The following FRY variants were observed in gnomAD, a reference collection of about 807,000 sequenced individuals.
FRY encodes FRY microtubule binding protein, also known as protein furry homolog.
A neutral mutation model predicts 348.4 loss-of-function variants in FRY; 128 were observed. The ratio of observed to expected loss-of-function variants is 0.37; its 90% CI spans 0.32 to 0.43. The LOEUF is 0.43. Ranked by LOEUF, FRY falls within the 20% of genes least tolerant of loss-of-function variation. FRY has a pLI of 1.00. For synonymous variants in FRY, 1,370 were observed against 1,374.7 expected (o/e 1.00, Z 0.08); for missense variants, 2,736 against 3,695.2 (o/e 0.74, Z 6.73).
At chr13:32,148,348 G>T (rs1458468816) in intron 13 of FRY, among the ~76,000 whole-genome samples, 1 of 152,086 alleles carries the variant, frequency 6.6e-6, no homozygotes, top group African/African-American at 2.4e-5. Flanking sequence ...AAAATTTGAG[G>T]AATAAATAAT....
At chr13:32,042,953 A>AT (rs1872820680) in intron 1 of FRY, among the ~76,000 whole-genome samples, 1 of 152,242 alleles carries the variant, frequency 6.6e-6, no homozygotes, top group African/African-American at 2.4e-5. Context: ...TAATAGTGCC[A>AT]TTAAGTAAAA....
At chr13:32,170,485 ATT>A (rs1227991809) in intron 17 of FRY, among the ~76,000 whole-genome samples, 1 of 152,148 alleles carries the variant, frequency 6.6e-6, no homozygotes, top group East Asian at 1.9e-4. Context: ...AAAACTCTGT[ATT>A]ATCTTTGCAG....
chr13:32,124,809 A>G lies in FRY; in HGVS notation c.650A>G (p.Asn217Ser), dbSNP rs754793180. 8.1e-6 allele frequency: 13 copies of G among 1,612,606 alleles called. No homozygotes were observed. The Admixed American group carries it at 2.2e-4, about 27-fold the overall frequency. ...FKYKEGYLGP[N>S]TGNMHIVADL... Reference sequence around the variant, plus strand: ...ACCCTACTTAGGTACCTTGGTCCCAACACTGGCAATATGCATATTGTGGCA... The same window carrying G: ...ACCCTACTTAGGTACCTTGGTCCCAGCACTGGCAATATGCATATTGTGGCA... The change falls in exon 7 of 61, where the codon AAC becomes AGC. Residue 217 changes from asparagine (N) to serine (S), a missense_variant. This residue lies in a region of FRY where 309 missense variants were observed against 418.1 expected (regional missense o/e 0.74). Transcript: ENST00000542859.
intron 58 of FRY, among the ~76,000 whole-genome samples, chr13:32,285,962 A>G (rs948553007): frequency 1.1e-4 from 16 of 152,204 alleles, no homozygotes; most frequent in African/African-American, 3.4e-4. Context: ...AGAGGCTTAC[A>G]GGTGTTTGTC....
rs558644253 is a variant in FRY, at chr13:32,190,093, A to G, written c.3591+2437A>G. Among the ~76,000 whole-genome samples, 140 of 152,096 alleles carry G rather than the reference A, an allele frequency of 9.2e-4. 1 individual carries two copies. The highest frequency in any genetic ancestry group is 3.3e-3 in the African/African-American group (136 of 41,540). On this transcript the variant is annotated intron_variant, in intron 28 of 60. Coordinates refer to ENST00000542859, the MANE Select transcript of FRY (RefSeq NM_023037.3). ...TACGAAAAGCATTTGTTAAAGTTCT[A>G]CATTTATTCATGAGAAAAACTCCTG...
rs747277118 is a variant in FRY, at chr13:32,173,402, G to A, written c.2187G>A (p.Ser729=). ...IANGSSHRIQ[S]ERGPHCSVLH... ...ATGGCTCCAGTCACAGAATTCAGTC[G>A]GAACGAGGTCCCCACTGCAGTGTAC... The change falls in exon 19 of 61, where the codon TCG becomes TCA. Residue 729 remains serine, a synonymous_variant. Coordinates refer to ENST00000542859, the MANE Select transcript of FRY (RefSeq NM_023037.3). 32 of 1,612,084 alleles carry A rather than the reference G, an allele frequency of 2.0e-5. No homozygotes were observed. In the Admixed American group the frequency reaches 3.8e-4, roughly 19 times the overall value.
intron 2 of FRY, among the ~76,000 whole-genome samples, chr13:32,092,309 C>T (rs918810499): frequency 4.6e-5 from 7 of 152,146 alleles, no homozygotes; most frequent in Non-Finnish European, 1.0e-4. Flanking sequence ...AAATAAAACA[C>T]GTCTTGATAT....
rs756399163 is a variant in FRY at position 32,175,643 on chromosome 13, A to C, written c.2421+11A>C. 7.0e-7 allele frequency: 1 copy of C among 1,433,218 alleles called. No homozygotes were observed. Among genetic ancestry groups the C allele is most frequent in the Non-Finnish European group, 9.9e-7 (1 of 1,014,920 alleles). 88.8% of individuals were successfully genotyped at this position (1,433,218 alleles called of 1,614,324 possible). ...GCAGTTTCGGATTCAGTAAGTACAC[A>C]TTTGATTCCAATTAATGGCTCTTAA... On this transcript the variant is annotated intron_variant, in intron 20 of 60. Coordinates refer to ENST00000542859, the MANE Select transcript of FRY (RefSeq NM_023037.3).
intron 58 of FRY, among the ~76,000 whole-genome samples, chr13:32,282,147 G>T (rs1274108592): frequency 6.6e-6 from 1 of 152,158 alleles, no homozygotes. Flanking sequence ...GCTGACTAGA[G>T]CTACCATTTG....
intron 17 of FRY, among the ~76,000 whole-genome samples, chr13:32,167,830 G>A (rs1881830005): frequency 6.6e-6 from 1 of 152,184 alleles, no homozygotes; most frequent in African/African-American, 2.4e-5. Context: ...ATGGGGAAAT[G>A]ACTTCAAGTG....
chr13:32,100,262 G>A (rs941027752), intron 2 of FRY, among the ~76,000 whole-genome samples: 1 of 151,830 alleles, frequency 6.6e-6, no homozygotes, highest in Admixed American at 6.6e-5. Flanking sequence ...TGTATTTTTA[G>A]TAGAGACAGG....
chr13:32,046,843 A>G (rs1873039573), intron 1 of FRY, among the ~76,000 whole-genome samples: 1 of 152,164 alleles, frequency 6.6e-6, no homozygotes, highest in Non-Finnish European at 1.5e-5. Context: ...TTTTTATGTA[A>G]TACAAAATAT....
intron 20 of FRY, among the ~76,000 whole-genome samples, chr13:32,175,879 C>T (rs1405722560): frequency 6.6e-6 from 1 of 152,182 alleles, no homozygotes; most frequent in Admixed American, 6.5e-5. Context: ...AAGAATTGCT[C>T]AGGATTCTTA....
chr13:32,278,451 T>G lies in FRY; in HGVS notation c.8386-14T>G. On this transcript the variant is annotated splice_polypyrimidine_tract_variant and intron_variant, in intron 57 of 60. Coordinates refer to ENST00000542859, the MANE Select transcript of FRY (RefSeq NM_023037.3). ...TGCTGAATTTACCTATGTCTTTCCC[T>G]CTCTTTCTGACAGTGGCTTGCAAAT... 6.9e-7 allele frequency: 1 copy of G among 1,444,918 alleles called. No individual in the cohort carries two copies. Among genetic ancestry groups the G allele is most frequent in the African/African-American group, 1.4e-5 (1 of 71,688 alleles). The allele number at this position is 1,444,918 out of a possible 1,614,324, so 89.5% of individuals were successfully genotyped here. A position where few individuals can be genotyped will look rare whatever the true frequency, so the allele number is the denominator to read the frequency against.
chr13:32,115,300 T>C (rs1026793826), intron 3 of FRY, among the ~76,000 whole-genome samples: 1 of 152,184 alleles, frequency 6.6e-6, no homozygotes, highest in Non-Finnish European at 1.5e-5. Flanking sequence ...TGCAGAAATA[T>C]TGTGAGTTAA....
At chr13:32,100,075 A>G (rs1193009230) in intron 2 of FRY, among the ~76,000 whole-genome samples, 2 of 150,266 alleles carry the variant, frequency 1.3e-5, no homozygotes, top group African/African-American at 2.4e-5. Context: ...GACTTGGAAT[A>G]GTGAATTGCT....
At chr13:32,155,454 G>A in intron 14 of FRY, 37 bp from the exon 15 acceptor site, 1 of 1,495,508 alleles carries the variant, frequency 6.7e-7, no homozygotes, top group South Asian at 1.1e-5. Context: ...CAATAATTGG[G>A]CCTTTCCTTT....
At chr13:32,052,584 CCTT>C (rs1332128887) in intron 1 of FRY, among the ~76,000 whole-genome samples, 3 of 152,020 alleles carry the variant, frequency 2.0e-5, no homozygotes, top group African/African-American at 7.2e-5. Flanking sequence ...AAATATTTTA[CCTT>C]CTTTTTTTGA....
chr13:32,083,086 C>T (rs1410754860), intron 2 of FRY, among the ~76,000 whole-genome samples: 1 of 152,052 alleles, frequency 6.6e-6, no homozygotes, highest in Non-Finnish European at 1.5e-5. Flanking sequence ...GTAAATTGGA[C>T]TTTCTTATGC....
Sources: gnomAD v4.1 joint callset for allele counts (sites outside exome capture counted in the v4.1 genomes callset) on GRCh38, gnomAD v4.1.1 for gene constraint, gnomAD v4.1.1 regional missense constraint, MANE v1.5 for transcripts, NCBI Gene and HGNC (gene_info 2026-07-23, HGNC 2026-07-21) for gene names.